Variants in CACNA1A observed in about 807,000 individuals in gnomAD.
CACNA1A encodes voltage-dependent P/Q-type calcium channel subunit alpha-1A.
A neutral mutation model predicts 262.4 loss-of-function variants in CACNA1A; 57 were observed. The observed-to-expected ratio is 0.22, with a 90% confidence interval of 0.18 to 0.27. CACNA1A has a LOEUF of 0.27. Ranked by LOEUF, CACNA1A falls within the 10% of genes least tolerant of loss-of-function variation. The pLI, the probability that CACNA1A is intolerant of heterozygous loss-of-function variation, is 1.00. For missense variants in CACNA1A, 2,526 were observed against 3,562.8 expected (o/e 0.71, Z 7.41); for synonymous variants, 1,431 against 1,419.3 (o/e 1.01, Z -0.18).
chr19:13,406,952 CACACACATGCACACATGTATGCATGTGT>C (rs1451286556), intron 3 of CACNA1A, among the ~76,000 whole-genome samples: 7 of 151,964 alleles, frequency 4.6e-5, no homozygotes, highest in East Asian at 1.9e-4. Flanking sequence ...CACAAACACA[CACACACATGCACACATGTATGCATGTGT>C]ACACACATAC....
chr19:13,259,213 T>C (rs2056653571), intron 27 of CACNA1A: 1 of 157,746 alleles, frequency 6.3e-6, no homozygotes, highest in Admixed American at 6.5e-5. Context: ...TGGTGCAATC[T>C]CGGCTCACTG....
chr19:13,473,491 A>C (rs1978294161), intron 1 of CACNA1A, among the ~76,000 whole-genome samples: 1 of 152,226 alleles, frequency 6.6e-6, no homozygotes, highest in African/African-American at 2.4e-5. Context: ...GAACTGGGTG[A>C]CAATATATTT....
At chr19:13,465,687 C>T (rs1379004917) in intron 1 of CACNA1A, among the ~76,000 whole-genome samples, 1 of 152,054 alleles carries the variant, frequency 6.6e-6, no homozygotes, top group Non-Finnish European at 1.5e-5. Context: ...TGGAGTTTTG[C>T]TATGTTACCC....
At chr19:13,216,961 A>G (rs2055036289) in intron 38 of CACNA1A, among the ~76,000 whole-genome samples, 1 of 152,130 alleles carries the variant, frequency 6.6e-6, no homozygotes. Flanking sequence ...TGGTGAAACC[A>G]GTCTCTAGTA....
intron 1 of CACNA1A, among the ~76,000 whole-genome samples, chr19:13,476,898 T>G (rs1243341895): frequency 6.6e-6 from 1 of 152,144 alleles, no homozygotes; most frequent in Non-Finnish European, 1.5e-5. Context: ...TCAAAGTCTG[T>G]TCTTTTCACA....
intron 1 of CACNA1A, among the ~76,000 whole-genome samples, chr19:13,492,006 C>T (rs1225530993): frequency 1.3e-5 from 2 of 152,130 alleles, no homozygotes; most frequent in African/African-American, 2.4e-5. Context: ...TCACAACCAC[C>T]CCACAATGCA....
intron 34 of CACNA1A, 148 bp downstream of exon 34, chr19:13,234,773 A>G: frequency 1.6e-6 from 1 of 614,610 alleles, no homozygotes; most frequent in Non-Finnish European, 2.9e-6. Context: ...CCGGAAAAGA[A>G]GGGTGAGGGC....
At chr19:13,213,672 C>CTTTTTTTTTTTT (rs3050829) in intron 40 of CACNA1A, 2 of 87,682 alleles carry the variant, frequency 2.3e-5, no homozygotes, top group Admixed American at 1.4e-4. Flanking sequence ...TTGGCAAGAA[C>CTTTTTTTTTTTT]TTTTTTTTTT....
intron 3 of CACNA1A, among the ~76,000 whole-genome samples, chr19:13,407,228 T>A (rs2060027611): frequency 6.6e-6 from 1 of 152,198 alleles, no homozygotes; most frequent in Admixed American, 6.5e-5. Context: ...AGTACAAAAT[T>A]CAGAAAGACA....
Position 13,455,102 on chromosome 19 carries a change from C to T in CACNA1A, c.399+5G>A. The T allele has an allele frequency of 1.9e-6, 3 of 1,579,190 alleles. No homozygotes were observed. The highest frequency in any genetic ancestry group is 2.6e-6 in the Non-Finnish European group (3 of 1,148,732). ...GAGAAGACCCTGAGAAAAGACATCA[C>T]TCACCAGCCGTTCAGACATCGGGGT... On this transcript the variant is annotated splice_donor_5th_base_variant and intron_variant, in intron 2 of 46. Coordinates refer to ENST00000360228, the MANE Select transcript of CACNA1A (RefSeq NM_001127222.2).
intron 44 of CACNA1A, among the ~76,000 whole-genome samples, chr19:13,209,890 G>A (rs978256917): frequency 3.3e-5 from 5 of 152,162 alleles, no homozygotes; most frequent in Admixed American, 6.5e-5. Flanking sequence ...CTGGACTGCC[G>A]CACTCATCCC....
chr19:13,447,235 A>G (rs544849765), intron 3 of CACNA1A, among the ~76,000 whole-genome samples: 1 of 152,314 alleles, frequency 6.6e-6, no homozygotes, highest in South Asian at 2.1e-4. Flanking sequence ...CTTGCATAAA[A>G]TTTCAGTGGG....
intron 6 of CACNA1A, among the ~76,000 whole-genome samples, chr19:13,359,060 T>C (rs2059056673): frequency 6.6e-6 from 1 of 152,196 alleles, no homozygotes; most frequent in South Asian, 2.1e-4. Flanking sequence ...AACAGATCCA[T>C]ATGAGAATTG....
At chr19:13,216,644 AATTTATCT>A (rs1192626373) in intron 38 of CACNA1A, among the ~76,000 whole-genome samples, 2 of 140,864 alleles carry the variant, frequency 1.4e-5, no homozygotes, top group Non-Finnish European at 1.5e-5. Flanking sequence ...TTTTTTTAAA[AATTTATCT>A]ATCTATCTAT....
At chr19:13,471,983 G>A (rs895719151) in intron 1 of CACNA1A, among the ~76,000 whole-genome samples, 2 of 152,116 alleles carry the variant, frequency 1.3e-5, no homozygotes, top group African/African-American at 4.8e-5. Flanking sequence ...ATTTTATTGA[G>A]ACAGGATCTC....
In CACNA1A at chr19:13,236,904, G is replaced by A. The variant is rs2055896737; in HGVS notation, c.4951-1174C>T. Among the ~76,000 whole-genome samples the A allele has an allele frequency of 6.6e-6, 1 of 152,114 alleles. No individual in the cohort carries two copies. The highest frequency in any genetic ancestry group is 2.1e-4 in the South Asian group (1 of 4,836). ...GGGCTTCAAGGGACCTTGGTGGGGGGGGTGGGACTCTCGAAGTCACGAGTG... is the reference window on the plus strand; with the variant it reads ...GGGCTTCAAGGGACCTTGGTGGGGGAGGTGGGACTCTCGAAGTCACGAGTG... On this transcript the variant is annotated intron_variant, in intron 31 of 46. Transcript: ENST00000360228. This position sits in a 1 kb window ranked among gnomAD's most constrained non-coding sequence, Gnocchi z 4.6.
At chr19:13,443,085 C>A (rs1260606357) in intron 3 of CACNA1A, among the ~76,000 whole-genome samples, 1 of 152,126 alleles carries the variant, frequency 6.6e-6, no homozygotes, top group Non-Finnish European at 1.5e-5. Context: ...CGGGGTCTCA[C>A]CCTGTCACCC....
Position 13,283,378 on chromosome 19 carries a change from A to G in CACNA1A, c.3711T>C (p.His1237=). Residue 1237 remains histidine, a synonymous_variant, in exon 22 of 47, where the codon CAT becomes CAC. Coordinates refer to ENST00000360228, the MANE Select transcript of CACNA1A (RefSeq NM_001127222.2). ...STTNPLRRLC[H]YILNLRYFEM... ...CAAAGTAGCGCAGGTTCAGGATGTA[A>G]TGGCACAGGCGGCGAAGGCTGTTGG... 1 of 1,613,978 alleles carries G rather than the reference A, an allele frequency of 6.2e-7. No homozygotes were observed. Among genetic ancestry groups the G allele is most frequent in the Non-Finnish European group, 8.5e-7 (1 of 1,179,852 alleles).
At chr19:13,274,272 T>C (rs2057094810) in intron 24 of CACNA1A, 1 of 152,174 alleles carries the variant, frequency 6.6e-6, no homozygotes, top group Non-Finnish European at 1.5e-5. Flanking sequence ...TAACACAACT[T>C]GACCTCATTG....
Sources: allele counts gnomAD v4.1 joint callset (sites outside exome capture counted in the v4.1 genomes callset), GRCh38; gene constraint gnomAD v4.1.1; non-coding constraint Gnocchi (gnomAD v3.1); transcripts MANE v1.5; gene names NCBI Gene and HGNC (gene_info 2026-07-23, HGNC 2026-07-21).